Variants in TBPL1 observed in about 807,000 individuals in gnomAD.
TBPL1 encodes the protein TATA-box binding protein like 1.
Under a neutral mutation model 22.1 loss-of-function variants are expected in TBPL1, and 4 were observed. The ratio of observed to expected loss-of-function variants is 0.18; its 90% confidence interval spans 0.09 to 0.41. The LOEUF is 0.41. Ranked by LOEUF, TBPL1 falls within the 10% of genes least tolerant of loss-of-function variation. The pLI is 1.00. For missense variants in TBPL1, 115 were observed against 222.3 expected, an observed-to-expected ratio of 0.52 and a Z score of 3.07; for synonymous variants, 64 against 71.0, an observed-to-expected ratio of 0.90 and a Z score of 0.50.
At chr6:133,977,224 T>C (rs985206768) in intron 1 of TBPL1, among the ~76,000 whole-genome samples, 1 of 152,166 alleles carries the variant, frequency 6.6e-6, no homozygotes, top group Non-Finnish European at 1.5e-5. Flanking sequence ...ATTGCATCTT[T>C]AATTGAAAAC....
At chr6:133,973,637 C>T (rs149667299) in intron 1 of TBPL1, among the ~76,000 whole-genome samples, 19 of 152,076 alleles carry the variant, frequency 1.2e-4, no homozygotes, top group African/African-American at 4.6e-4. Context: ...TTTTGAATAC[C>T]ACTAGAAAGA....
chr6:133,957,077 T>A (rs73774170), intron 1 of TBPL1, among the ~76,000 whole-genome samples: 2 of 152,088 alleles, frequency 1.3e-5, no homozygotes, highest in Non-Finnish European at 2.9e-5. Context: ...AAATTCTACT[T>A]GTCTGTGACT....
chr6:133,985,813 A>G (rs1776509401), intron 6 of TBPL1: 1 of 152,156 alleles, frequency 6.6e-6, no homozygotes, highest in African/African-American at 2.4e-5. Context: ...TTCAAAACGT[A>G]TTCCCAAGAT....
intron 1 of TBPL1, 128 bp from the exon 2 acceptor site, chr6:133,979,954 T>G: frequency 1.4e-6 from 1 of 737,146 alleles, no homozygotes; most frequent in Non-Finnish European, 1.9e-6. Context: ...GCCAGGGACA[T>G]GATTTGATTC....
At chr6:133,977,647 A>T (rs1776337634) in intron 1 of TBPL1, among the ~76,000 whole-genome samples, 1 of 152,230 alleles carries the variant, frequency 6.6e-6, no homozygotes, top group South Asian at 2.1e-4. Context: ...TCCTCAAGGG[A>T]TGTGCAACAG....
At position 133,985,297 on chromosome 6, in the gene TBPL1, AATATATATATATATATATATAT is replaced by A. The variant is rs3068194; in HGVS notation, c.481+646_481+667del. ...TGTCTAAAAAAAAAAAAAAAAAAAA[AATATATATATATATATATATAT>A]ATATATATATATATATATACACACA... On this transcript the variant is annotated intron_variant, in intron 6 of 6. Transcript: ENST00000237264. 5.2e-3 allele frequency among the ~76,000 whole-genome samples: 224 copies of A among 42,916 alleles called. 29 individuals are homozygous for A. The highest frequency in any genetic ancestry group is 0.049 in the South Asian group (47 of 968). The allele number at this position is 42,916 out of a possible 152,430, so 28.2% of individuals were successfully genotyped here. A position where few individuals can be genotyped will look rare whatever the true frequency, so the allele number is the denominator to read the frequency against.
At chr6:133,965,848 A>G (rs1398199942) in intron 1 of TBPL1, among the ~76,000 whole-genome samples, 4 of 152,232 alleles carry the variant, frequency 2.6e-5, no homozygotes, top group Non-Finnish European at 2.9e-5. Context: ...AACAATAAGA[A>G]CAGCTACATT....
At chr6:133,975,767 G>A (rs1582577388) in intron 1 of TBPL1, among the ~76,000 whole-genome samples, 1 of 152,204 alleles carries the variant, frequency 6.6e-6, no homozygotes, top group East Asian at 1.9e-4. Context: ...GCAATTGAAA[G>A]TAGAGGCTTT....
chr6:133,956,671 T>G (rs1324623850), intron 1 of TBPL1, among the ~76,000 whole-genome samples: 2 of 152,218 alleles, frequency 1.3e-5, no homozygotes, highest in African/African-American at 2.4e-5. Flanking sequence ...AGCTAGTGGA[T>G]GAAGGAAACC....
intron 1 of TBPL1, among the ~76,000 whole-genome samples, chr6:133,961,171 C>T (rs1018960912): frequency 1.3e-5 from 2 of 152,190 alleles, no homozygotes; most frequent in African/African-American, 4.8e-5. Context: ...TTTACACTTA[C>T]CTGCCCCCAA....
Position 133,989,658 on chromosome 6 carries a change from G to A in TBPL1, c.*2618G>A, listed in dbSNP as rs1392134550. On this transcript the variant is annotated 3_prime_UTR_variant, in exon 7 of 7. Transcript: ENST00000237264. The stretch of plus-strand genomic sequence containing the variant: ...CCAATTTTTATACAGATAATACACT[G>A]CAGATCCAGGCCTTTTAGTCAGTCT... 3 of 152,108 alleles carry A rather than the reference G, an allele frequency of 2.0e-5. No individual in the cohort carries two copies. The highest frequency in any genetic ancestry group is 1.3e-4 in the Admixed American group (2 of 15,272). The allele number at this position is 152,108 out of a possible 1,614,324, so 9.4% of individuals were successfully genotyped here.
intron 1 of TBPL1, among the ~76,000 whole-genome samples, chr6:133,978,042 G>T (rs1397880620): frequency 3.3e-5 from 5 of 152,164 alleles, no homozygotes; most frequent in Non-Finnish European, 5.9e-5. Flanking sequence ...TTGCCAGGGA[G>T]GCTGACATCT....
At chr6:133,976,977 A>G (rs1776325100) in intron 1 of TBPL1, among the ~76,000 whole-genome samples, 1 of 149,436 alleles carries the variant, frequency 6.7e-6, no homozygotes, top group Admixed American at 6.6e-5. Flanking sequence ...CAAAAAAAAA[A>G]AAAAAGAAAA....
chr6:133,957,632 A>C (rs931768826), intron 1 of TBPL1, among the ~76,000 whole-genome samples: 8 of 152,228 alleles, frequency 5.3e-5, no homozygotes, highest in African/African-American at 1.9e-4. Context: ...TGGGATTGGT[A>C]CAACACTTAA....
At chr6:133,972,704 G>GT (rs34372580) in intron 1 of TBPL1, among the ~76,000 whole-genome samples, 1 of 137,132 alleles carries the variant, frequency 7.3e-6, no homozygotes, top group African/African-American at 2.7e-5. Context: ...TTGTTTGTTT[G>GT]TTTTTTTCCC....
chr6:133,978,810 G>T (rs984136725), intron 1 of TBPL1, among the ~76,000 whole-genome samples: 2 of 152,054 alleles, frequency 1.3e-5, no homozygotes, highest in Non-Finnish European at 2.9e-5. Flanking sequence ...TAGACTCTTG[G>T]CCCCTTCACT....
chr6:133,989,735 C>T lies in TBPL1; in HGVS notation c.*2695C>T, dbSNP rs996707869. 16 of 152,142 alleles carry T rather than the reference C, an allele frequency of 1.1e-4. No individual in the cohort carries two copies. The highest frequency in any genetic ancestry group is 1.9e-4 in the Non-Finnish European group (13 of 68,020). 9.4% of individuals were successfully genotyped at this position (152,142 alleles called of 1,614,324 possible). ...CTTACATAGGTTTATAGTCTCTCCA[C>T]ATTGTTATAAAGGAATGTAATAGAT... On this transcript the variant is annotated 3_prime_UTR_variant, in exon 7 of 7. Transcript: ENST00000237264.
chr6:133,982,557 T>A lies in TBPL1; in HGVS notation c.136-11T>A, dbSNP rs1483291017. ...ATGCTTATGAGGTAATCAGATTTTT[T>A]TTCCCCCCAGAAAGTATTAATGAAG... On this transcript the variant is annotated splice_polypyrimidine_tract_variant and intron_variant, in intron 2 of 6. Coordinates refer to ENST00000237264, the MANE Select transcript of TBPL1 (RefSeq NM_004865.4). The A allele has an allele frequency of 1.2e-6, 2 of 1,606,694 alleles. No homozygotes were observed. Among genetic ancestry groups the A allele is most frequent in the African/African-American group, 2.7e-5 (2 of 74,382 alleles).
chr6:133,969,688 C>G (rs1011279205), intron 1 of TBPL1, among the ~76,000 whole-genome samples: 5 of 152,102 alleles, frequency 3.3e-5, no homozygotes, highest in Non-Finnish European at 7.4e-5. Flanking sequence ...TGGACTGACT[C>G]CTAAAATGTC....
Sources: allele counts gnomAD v4.1 joint callset (sites outside exome capture counted in the v4.1 genomes callset), GRCh38; gene constraint gnomAD v4.1.1; transcripts MANE v1.5; gene names NCBI Gene and HGNC (gene_info 2026-07-23, HGNC 2026-07-21).